Variants in TRPS1 observed in about 807,000 individuals in gnomAD.
TRPS1 encodes the protein zinc finger transcription factor Trps1.
A neutral mutation model predicts 101.2 loss-of-function variants in TRPS1; 6 were observed. The ratio of observed to expected loss-of-function variants is 0.06; its 90% CI spans 0.03 to 0.12. The LOEUF (loss-of-function observed/expected upper bound fraction) is 0.12. Ranked by LOEUF, TRPS1 falls within the 10% of genes least tolerant of loss-of-function variation. TRPS1 has a pLI of 1.00. For missense variants in TRPS1, 1,363 were observed against 1,567.0 expected, an observed-to-expected ratio of 0.87 and a Z score of 2.20; for synonymous variants, 578 against 589.8, an observed-to-expected ratio of 0.98 and a Z score of 0.29.
chr8:115,461,261 ATAG>A (rs1814162639), intron 5 of TRPS1, among the ~76,000 whole-genome samples: 4 of 85,832 alleles, frequency 4.7e-5, no homozygotes, highest in African/African-American at 1.2e-4. Flanking sequence ...GGATAGATAG[ATAG>A]ATAGATAGAT....
intron 5 of TRPS1, among the ~76,000 whole-genome samples, chr8:115,551,844 T>G (rs149332331): frequency 2.6e-5 from 4 of 152,208 alleles, no homozygotes; most frequent in Non-Finnish European, 4.4e-5. Context: ...CAACACTTAA[T>G]TTAGTGTATC....
At chr8:115,503,724 A>C (rs1385208139) in intron 5 of TRPS1, among the ~76,000 whole-genome samples, 1 of 152,244 alleles carries the variant, frequency 6.6e-6, no homozygotes, top group Admixed American at 6.5e-5. Flanking sequence ...GTATTAACAA[A>C]GATGCAAACC....
chr8:115,466,928 A>C (rs1586302452), intron 5 of TRPS1, among the ~76,000 whole-genome samples: 1 of 152,192 alleles, frequency 6.6e-6, no homozygotes, highest in Admixed American at 6.5e-5. Context: ...AGTTAATCTC[A>C]AGAGAACTGC....
chr8:115,453,901 T>C (rs1221298820), intron 5 of TRPS1, among the ~76,000 whole-genome samples: 1 of 152,230 alleles, frequency 6.6e-6, no homozygotes, highest in Non-Finnish European at 1.5e-5. Flanking sequence ...GAGAAAACTT[T>C]ACTTGTAAGG....
rs748711497 is a variant in TRPS1 at position 115,620,075 on chromosome 8, G to A, written c.38-15C>T. On this transcript the variant is annotated splice_polypyrimidine_tract_variant and intron_variant, in intron 2 of 6. Coordinates refer to ENST00000395715, the MANE Select transcript of TRPS1 (RefSeq NM_014112.5). Reference sequence around the variant, plus strand: ...CCGGACCATATCTGCAAAGATAAAGGGAAAAGGCAGATACAGTGTTATCTG... The same window carrying A: ...CCGGACCATATCTGCAAAGATAAAGAGAAAAGGCAGATACAGTGTTATCTG... 3.7e-6 allele frequency: 6 copies of A among 1,612,014 alleles called. No homozygotes were observed. The African/African-American group carries it at 4.0e-5, about 11-fold the overall frequency.
chr8:115,454,042 C>T (rs1218416318), intron 5 of TRPS1, among the ~76,000 whole-genome samples: 2 of 152,138 alleles, frequency 1.3e-5, no homozygotes, highest in Non-Finnish European at 2.9e-5. Context: ...TGAGTTTCAT[C>T]CCCAGGTCGG....
intron 3 of TRPS1, among the ~76,000 whole-genome samples, chr8:115,606,344 A>T (rs113297420): frequency 2.6e-5 from 4 of 152,202 alleles, no homozygotes; most frequent in African/African-American, 9.7e-5. Flanking sequence ...AGCTTCTTCA[A>T]CTGGGGCAAC....
chr8:115,576,189 TG>T (rs1817313435), intron 5 of TRPS1, among the ~76,000 whole-genome samples: 1 of 152,066 alleles, frequency 6.6e-6, no homozygotes, highest in South Asian at 2.1e-4. Context: ...ATACAATTTT[TG>T]AAGCTTTCAG....
chr8:115,453,838 T>C (rs1452030600), intron 5 of TRPS1, among the ~76,000 whole-genome samples: 1 of 152,242 alleles, frequency 6.6e-6, no homozygotes, highest in Non-Finnish European at 1.5e-5. Context: ...AATTTTGTTG[T>C]GGTGTATACA....
At chr8:115,552,891 C>T (rs1304522499) in intron 5 of TRPS1, among the ~76,000 whole-genome samples, 1 of 151,968 alleles carries the variant, frequency 6.6e-6, no homozygotes, top group African/African-American at 2.4e-5. Flanking sequence ...CTGGCAATAT[C>T]CACAGTGAAA....
chr8:115,520,987 G>A (rs533043670), intron 5 of TRPS1, among the ~76,000 whole-genome samples: 15 of 151,778 alleles, frequency 9.9e-5, no homozygotes, highest in Admixed American at 2.0e-4. Context: ...GAGGTTCCAC[G>A]CTTATGCCTC....
At chr8:115,460,495 ATATTT>A (rs774822609) in intron 5 of TRPS1, among the ~76,000 whole-genome samples, 4 of 152,072 alleles carry the variant, frequency 2.6e-5, no homozygotes, top group Non-Finnish European at 5.9e-5. Flanking sequence ...TAATAGATAA[ATATTT>A]TATTTTTATT....
chr8:115,455,473 TA>T (rs1813993024), intron 5 of TRPS1, among the ~76,000 whole-genome samples: 2 of 152,224 alleles, frequency 1.3e-5, no homozygotes, highest in Admixed American at 6.5e-5. Context: ...ATGAAACTGC[TA>T]GGGGAGAAGG....
At chr8:115,491,527 C>A (rs757323988) in intron 5 of TRPS1, among the ~76,000 whole-genome samples, 13 of 152,178 alleles carry the variant, frequency 8.5e-5, no homozygotes, top group South Asian at 2.1e-4. Flanking sequence ...GTAGTCCCCA[C>A]TACTCAGGAG....
Position 115,619,675 on chromosome 8 carries a change from C to A in TRPS1, c.423G>T (p.Pro141=), listed in dbSNP as rs7823278. ...AGGVCEPLKS[P]QRAEADDPQD... Reference sequence around the variant, plus strand: ...GAGGGTCATCTGCCTCTGCTCTTTGCGGAGACTTCAAGGGCTCACAGACTC... The same window carrying A: ...GAGGGTCATCTGCCTCTGCTCTTTGAGGAGACTTCAAGGGCTCACAGACTC... The change falls in exon 3 of 7, where the codon CCG becomes CCT. Residue 141 remains proline, a synonymous_variant. Transcript: ENST00000395715. The A allele has an allele frequency of 0.028, 45,534 of 1,614,012 alleles. 8,729 individuals carry two copies. In the African/African-American group the frequency reaches 0.47, roughly 17 times the overall value.
At chr8:115,558,634 T>C (rs567663911) in intron 5 of TRPS1, among the ~76,000 whole-genome samples, 4 of 152,324 alleles carry the variant, frequency 2.6e-5, no homozygotes, top group South Asian at 2.1e-4. Context: ...TATTGGCCTG[T>C]ACTTAATCAC....
chr8:115,629,365 A>T lies in TRPS1; in HGVS notation c.-121-5607T>A, dbSNP rs550701316. ...TTGAAAGAATGTGTAGTGGCAGAGC[A>T]TTACAGATAGAACATTGGATTTTAA... On this transcript the variant is annotated intron_variant, in intron 1 of 6. Coordinates refer to ENST00000395715, the MANE Select transcript of TRPS1 (RefSeq NM_014112.5). Among the ~76,000 whole-genome samples the T allele has an allele frequency of 5.9e-5, 9 of 151,980 alleles. No individual in the cohort carries two copies. In the South Asian group the frequency reaches 1.9e-3, roughly 31 times the overall value.
chr8:115,441,993 C>G (rs1284405214), intron 5 of TRPS1, among the ~76,000 whole-genome samples: 1 of 151,904 alleles, frequency 6.6e-6, no homozygotes, highest in African/African-American at 2.4e-5. Context: ...CCCTTTGAAG[C>G]ACCAGCATAA....
intron 5 of TRPS1, among the ~76,000 whole-genome samples, chr8:115,419,635 T>C (rs914790576): frequency 6.6e-6 from 1 of 152,196 alleles, no homozygotes; most frequent in African/African-American, 2.4e-5. Context: ...ATGGTTATAA[T>C]TGTACTCTGA....
Sources: allele counts gnomAD v4.1 joint callset (sites outside exome capture counted in the v4.1 genomes callset), GRCh38; gene constraint gnomAD v4.1.1; transcripts MANE v1.5; gene names NCBI Gene and HGNC (gene_info 2026-07-23, HGNC 2026-07-21).